The following SCFD2 variants were observed in gnomAD, a reference collection of about 807,000 sequenced individuals.
SCFD2 encodes the protein sec1 family domain containing 2.
In SCFD2, 54 loss-of-function variants were observed where a neutral mutation model predicts 58.9. The ratio of observed to expected loss-of-function variants is 0.92; its 90% CI spans 0.74 to 1.15. The LOEUF (loss-of-function observed/expected upper bound fraction) is 1.15, where lower values mean the gene tolerates loss of function less well. SCFD2 is among the 50% of genes most tolerant of loss of function. The pLI, the probability that SCFD2 is intolerant of heterozygous loss-of-function variation, is 0.00. For synonymous variants in SCFD2, 321 were observed against 335.9 expected (o/e 0.96, Z 0.49); for missense variants, 805 against 836.6 (o/e 0.96, Z 0.47).
At chr4:53,290,749 T>C (rs887500211) in intron 3 of SCFD2, among the ~76,000 whole-genome samples, 6 of 151,480 alleles carry the variant, frequency 4.0e-5, no homozygotes, top group African/African-American at 1.5e-4. Flanking sequence ...ATAAATAAAA[T>C]CAGAAATGAA....
At chr4:53,333,186 C>T (rs1303810520) in intron 2 of SCFD2, among the ~76,000 whole-genome samples, 1 of 138,738 alleles carries the variant, frequency 7.2e-6, no homozygotes, top group Non-Finnish European at 1.6e-5. Flanking sequence ...AGGTAATTTA[C>T]AGATTCAATG....
intron 4 of SCFD2, among the ~76,000 whole-genome samples, chr4:53,246,912 C>T (rs1730096774): frequency 6.6e-6 from 1 of 150,686 alleles, no homozygotes; most frequent in Non-Finnish European, 1.5e-5. Flanking sequence ...AAACATACAG[C>T]CTACAGAATG....
intron 8 of SCFD2, among the ~76,000 whole-genome samples, chr4:52,883,676 T>A (rs1434130319): frequency 6.6e-6 from 1 of 152,110 alleles, no homozygotes; most frequent in Admixed American, 6.6e-5. Context: ...AGCTAAGAAT[T>A]TGGTTCACCA....
chr4:53,272,157 C>G (rs939128651), intron 4 of SCFD2, among the ~76,000 whole-genome samples: 2 of 152,144 alleles, frequency 1.3e-5, no homozygotes, highest in African/African-American at 4.8e-5. Context: ...CAATGAGATA[C>G]CATCTCACAC....
At chr4:53,037,011 G>A (rs1332386283) in intron 5 of SCFD2, among the ~76,000 whole-genome samples, 2 of 152,120 alleles carry the variant, frequency 1.3e-5, no homozygotes, top group Non-Finnish European at 1.5e-5. Context: ...GGGCAGTTCT[G>A]TATCCGAATT....
intron 4 of SCFD2, among the ~76,000 whole-genome samples, chr4:53,252,976 T>C (rs1429204453): frequency 7.2e-5 from 11 of 152,142 alleles, no homozygotes; most frequent in African/African-American, 2.7e-4. Flanking sequence ...AGAAAATTTT[T>C]GCAACCTACT....
chr4:53,097,375 T>A (rs1724685704), intron 5 of SCFD2, among the ~76,000 whole-genome samples: 1 of 152,202 alleles, frequency 6.6e-6, no homozygotes, highest in African/African-American at 2.4e-5. Flanking sequence ...TTTGTTTGTG[T>A]CCTCTTTTAT....
chr4:53,345,752 G>A (rs557181621), intron 2 of SCFD2, among the ~76,000 whole-genome samples: 4 of 152,266 alleles, frequency 2.6e-5, no homozygotes, highest in South Asian at 2.1e-4. Flanking sequence ...ATACACCATG[G>A]AATACTATGC....
chr4:53,340,435 G>T (rs961080911), intron 2 of SCFD2, among the ~76,000 whole-genome samples: 1 of 152,224 alleles, frequency 6.6e-6, no homozygotes, highest in African/African-American at 2.4e-5. Context: ...CATTGCTGAG[G>T]CTTGAGTAGG....
intron 4 of SCFD2, among the ~76,000 whole-genome samples, chr4:53,197,151 G>A (rs1342064156): frequency 6.6e-6 from 1 of 151,894 alleles, no homozygotes; most frequent in Non-Finnish European, 1.5e-5. Flanking sequence ...TTAACTCAAA[G>A]GAACAGAGCA....
chr4:53,175,000 A>T (rs1406576311), intron 4 of SCFD2, among the ~76,000 whole-genome samples: 1 of 152,166 alleles, frequency 6.6e-6, no homozygotes, highest in African/African-American at 2.4e-5. Flanking sequence ...AGTCTTACTC[A>T]GCTCTAATTT....
chr4:53,135,371 A>C (rs187031141), intron 5 of SCFD2, among the ~76,000 whole-genome samples: 1 of 152,316 alleles, frequency 6.6e-6, no homozygotes, highest in East Asian at 1.9e-4. Flanking sequence ...GTGATTTCAA[A>C]TTTTTAAAAA....
chr4:53,358,988 GGAGA>G (rs1249844135), intron 1 of SCFD2, among the ~76,000 whole-genome samples: 2 of 152,088 alleles, frequency 1.3e-5, no homozygotes, highest in African/African-American at 2.4e-5. Flanking sequence ...TGGATAACCA[GGAGA>G]GAAAGGAACT....
At position 53,121,941 on chromosome 4, in the gene SCFD2, T is replaced by C. The variant is rs529859023; in HGVS notation, c.1561+23392A>G. Among the ~76,000 whole-genome samples the C allele has an allele frequency of 2.4e-4, 36 of 152,278 alleles. No individual in the cohort carries two copies. The South Asian group carries it at 7.1e-3, about 30-fold the overall frequency. ...TCACTCTTATTTTTCTTGTTTTTTT[T>C]CCCCCAAAGTGAGTTCTTGCTTTTA... On this transcript the variant is annotated intron_variant, in intron 5 of 8. Coordinates refer to ENST00000401642, the MANE Select transcript of SCFD2 (RefSeq NM_152540.4).
intron 4 of SCFD2, among the ~76,000 whole-genome samples, chr4:53,205,801 G>T (rs1242921741): frequency 6.6e-6 from 1 of 151,740 alleles, no homozygotes; most frequent in Non-Finnish European, 1.5e-5. Flanking sequence ...AGCGGAGCTT[G>T]CAGTGAGCCG....
intron 4 of SCFD2, among the ~76,000 whole-genome samples, chr4:53,238,779 C>T (rs1307784520): frequency 3.3e-5 from 5 of 149,478 alleles, no homozygotes; most frequent in East Asian, 2.0e-4. Context: ...CGGGCAGAGA[C>T]GCTCCTCACT....
chr4:52,999,555 AT>A (rs1174032930), intron 5 of SCFD2, among the ~76,000 whole-genome samples: 2 of 152,196 alleles, frequency 1.3e-5, no homozygotes, highest in African/African-American at 4.8e-5. Context: ...GATATTTCAC[AT>A]TCAACTCAGC....
intron 5 of SCFD2, among the ~76,000 whole-genome samples, chr4:53,141,961 C>G (rs1196724157): frequency 6.6e-6 from 1 of 152,202 alleles, no homozygotes; most frequent in Non-Finnish European, 1.5e-5. Context: ...CAAATCCACT[C>G]AGGCTCACAC....
At chr4:53,238,694 G>A (rs572096823) in intron 4 of SCFD2, among the ~76,000 whole-genome samples, 1,664 of 151,642 alleles carry the variant, frequency 0.011, 11 homozygotes, top group African/African-American at 0.038. Context: ...GGTTGCGGCC[G>A]GGCAGAGGTG....
Sources: gnomAD v4.1 joint callset for allele counts (sites outside exome capture counted in the v4.1 genomes callset) on GRCh38, gnomAD v4.1.1 for gene constraint, MANE v1.5 for transcripts, NCBI Gene and HGNC (gene_info 2026-07-23, HGNC 2026-07-21) for gene names.